The following PDE7B variants were observed in gnomAD, a reference collection of about 807,000 sequenced individuals.
PDE7B encodes the protein 3',5'-cyclic-AMP phosphodiesterase 7B.
In PDE7B, 29 loss-of-function variants were observed where a neutral mutation model predicts 56.2. That is an observed-to-expected ratio of 0.52 (90% CI 0.38 to 0.70). PDE7B has a LOEUF of 0.70. Among genes scored for constraint, PDE7B ranks in the 30% least tolerant of loss-of-function variants. PDE7B has a pLI of 0.00. For synonymous variants in PDE7B, 197 were observed against 196.9 expected (o/e 1.00, Z 0.00); for missense variants, 490 against 565.0 (o/e 0.87, Z 1.35).
intron 2 of PDE7B, among the ~76,000 whole-genome samples, chr6:135,988,266 A>G (rs1775417022): frequency 1.3e-5 from 2 of 152,248 alleles, no homozygotes; most frequent in Middle Eastern, 6.8e-3. Flanking sequence ...CTGTGGTCCC[A>G]GCGTGTGGAA....
At chr6:136,053,753 A>G (rs1776676923) in intron 2 of PDE7B, among the ~76,000 whole-genome samples, 1 of 152,032 alleles carries the variant, frequency 6.6e-6, no homozygotes, top group Non-Finnish European at 1.5e-5. Flanking sequence ...TTGCCATTCT[A>G]ACTGGTGTGA....
At chr6:136,047,275 G>A (rs754593289) in intron 2 of PDE7B, 6 of 152,104 alleles carry the variant, frequency 3.9e-5, no homozygotes, top group Non-Finnish European at 8.8e-5. Context: ...CCAAATGACT[G>A]TAATACATGA....
At chr6:135,891,568 C>T (rs1474412947) in intron 1 of PDE7B, among the ~76,000 whole-genome samples, 2 of 152,232 alleles carry the variant, frequency 1.3e-5, no homozygotes, top group African/African-American at 2.4e-5. Context: ...CTTCTAAACG[C>T]GGAGCTCCTA....
intron 2 of PDE7B, among the ~76,000 whole-genome samples, chr6:136,097,214 C>G (rs1777483781): frequency 6.6e-6 from 1 of 152,122 alleles, no homozygotes; most frequent in Admixed American, 6.6e-5. Context: ...CCAGAAATTC[C>G]CCCTAAGCCC....
At chr6:135,934,917 A>AT (rs1774378852) in intron 1 of PDE7B, among the ~76,000 whole-genome samples, 1 of 107,346 alleles carries the variant, frequency 9.3e-6, no homozygotes, top group African/African-American at 3.8e-5. Flanking sequence ...ATAAATATTT[A>AT]TTTAAATATA....
chr6:135,947,347 T>C, intron 1 of PDE7B, 117 bp from the exon 2 acceptor site: 1 of 786,570 alleles, frequency 1.3e-6, no homozygotes, highest in Middle Eastern at 2.3e-4. Context: ...TAGACTCAGG[T>C]AACCAATGAA....
At chr6:136,033,283 G>C (rs923177671) in intron 2 of PDE7B, among the ~76,000 whole-genome samples, 3 of 152,206 alleles carry the variant, frequency 2.0e-5, no homozygotes, top group Admixed American at 6.5e-5. Flanking sequence ...AATTCACAGA[G>C]ACAGTAAACT....
At chr6:136,093,872 T>C (rs1211646289) in intron 2 of PDE7B, among the ~76,000 whole-genome samples, 1 of 152,214 alleles carries the variant, frequency 6.6e-6, no homozygotes, top group Non-Finnish European at 1.5e-5. Flanking sequence ...AAACCTTAGA[T>C]CATGTCACTT....
chr6:136,031,713 T>G (rs1776249831), intron 2 of PDE7B, among the ~76,000 whole-genome samples: 1 of 126,086 alleles, frequency 7.9e-6, no homozygotes, highest in Admixed American at 1.0e-4. Context: ...CACTCCAGCC[T>G]GGGCGACAGA....
chr6:135,937,196 T>C (rs763168963), intron 1 of PDE7B, among the ~76,000 whole-genome samples: 2 of 152,230 alleles, frequency 1.3e-5, no homozygotes, highest in African/African-American at 2.4e-5. Flanking sequence ...CTGCTGCGTG[T>C]GGTACTCATG....
chr6:135,960,180 A>G (rs1046952224), intron 2 of PDE7B, among the ~76,000 whole-genome samples: 1 of 152,162 alleles, frequency 6.6e-6, no homozygotes, highest in Non-Finnish European at 1.5e-5. Flanking sequence ...GGATTCTAGA[A>G]TTTTGACGGA....
chr6:136,010,989 A>C lies in PDE7B; in HGVS notation c.82+63465A>C, dbSNP rs147073107. ...GTGGGAAATTACATGCTCTCTAGTC[A>C]ACTGTTGACATTACCAAGACCCTCA... On this transcript the variant is annotated intron_variant, in intron 2 of 12. Transcript: ENST00000308191. Among the ~76,000 whole-genome samples, 72 of 152,240 alleles carry C rather than the reference A, an allele frequency of 4.7e-4. 1 individual carries two copies. The highest frequency in any genetic ancestry group is 1.5e-3 in the African/African-American group (64 of 41,536).
intron 1 of PDE7B, among the ~76,000 whole-genome samples, chr6:135,891,482 C>A (rs1303661311): frequency 1.3e-5 from 2 of 152,156 alleles, no homozygotes; most frequent in Non-Finnish European, 2.9e-5. Flanking sequence ...AACAAGGCAA[C>A]CTTCAGGAGC....
chr6:135,919,096 G>A (rs1176360064), intron 1 of PDE7B, among the ~76,000 whole-genome samples: 1 of 152,110 alleles, frequency 6.6e-6, no homozygotes, highest in Non-Finnish European at 1.5e-5. Context: ...ACTCTCCCGG[G>A]TAAATGTGTG....
chr6:135,933,198 A>C (rs766196067), intron 1 of PDE7B, among the ~76,000 whole-genome samples: 5 of 152,212 alleles, frequency 3.3e-5, no homozygotes, highest in Non-Finnish European at 7.3e-5. Flanking sequence ...AGTGCACTAC[A>C]AAGCACAGTT....
intron 8 of PDE7B, among the ~76,000 whole-genome samples, chr6:136,170,016 G>A (rs1165878137): frequency 6.6e-6 from 1 of 152,128 alleles, no homozygotes; most frequent in Non-Finnish European, 1.5e-5. Flanking sequence ...CAAAGCCTTG[G>A]AGATAAATGA....
intron 2 of PDE7B, among the ~76,000 whole-genome samples, chr6:136,033,619 T>G (rs1776279718): frequency 1.3e-5 from 2 of 152,188 alleles, no homozygotes; most frequent in Admixed American, 1.3e-4. Flanking sequence ...TCTCCCCACA[T>G]GCTTTCCCCC....
chr6:136,171,403 G>A (rs1287877537), intron 8 of PDE7B, among the ~76,000 whole-genome samples: 4 of 152,138 alleles, frequency 2.6e-5, no homozygotes, highest in African/African-American at 9.7e-5. Flanking sequence ...ATTACCACAA[G>A]CCTATCAAAT....
chr6:135,934,856 TATATATAAAA>T (rs1172684672), intron 1 of PDE7B, among the ~76,000 whole-genome samples: 1 of 98,350 alleles, frequency 1.0e-5, no homozygotes, highest in African/African-American at 3.8e-5. Context: ...TTTAAATAAA[TATATATAAAA>T]ATATATATAA....
Sources: allele counts gnomAD v4.1 joint callset (sites outside exome capture counted in the v4.1 genomes callset), GRCh38; gene constraint gnomAD v4.1.1; transcripts MANE v1.5; gene names NCBI Gene and HGNC (gene_info 2026-07-23, HGNC 2026-07-21).